Variants in UHMK1 observed in about 807,000 individuals in gnomAD.
The protein encoded by UHMK1 is U2AF homology motif kinase 1, also known as serine/threonine-protein kinase Kist.
UHMK1 carries 18 observed loss-of-function variants against 44.0 expected under a neutral mutation model. The ratio of observed to expected loss-of-function variants is 0.41; its 90% confidence interval spans 0.28 to 0.61. UHMK1 has a LOEUF of 0.61. Among genes scored for constraint, UHMK1 ranks in the 20% least tolerant of loss-of-function variants. The pLI, the probability that UHMK1 is intolerant of heterozygous loss-of-function variation, is 0.31. For missense variants in UHMK1, 463 were observed against 522.5 expected (o/e 0.89, Z 1.11); for synonymous variants, 231 against 198.5 (o/e 1.16, Z -1.38).
Position 162,522,671 on chromosome 1 carries a change from A to C in UHMK1, c.*121A>C. On this transcript the variant is annotated 3_prime_UTR_variant, in exon 8 of 8. Transcript: ENST00000489294. ...GTACTTTATACATTTATTTAATCCT[A>C]CTAATGTGCAGCCATTGCCCAAGCA... 2 of 1,152,836 alleles carry C rather than the reference A, an allele frequency of 1.7e-6. No individual in the cohort carries two copies. The highest frequency in any genetic ancestry group is 2.4e-6 in the Non-Finnish European group (2 of 828,386). 71.4% of individuals were successfully genotyped at this position (1,152,836 alleles called of 1,614,324 possible).
rs181510781 is a variant in UHMK1, at chr1:162,522,976, T to G, written c.*426T>G. 2 of 161,190 alleles carry G rather than the reference T, an allele frequency of 1.2e-5. No homozygotes were observed. The highest frequency in any genetic ancestry group is 3.4e-4 in the South Asian group (2 of 5,948). 10.0% of individuals were successfully genotyped at this position (161,190 alleles called of 1,614,324 possible). A position where few individuals can be genotyped will look rare whatever the true frequency, so the allele number is the denominator to read the frequency against. On this transcript the variant is annotated 3_prime_UTR_variant, in exon 8 of 8. Coordinates refer to ENST00000489294, the MANE Select transcript of UHMK1 (RefSeq NM_175866.5). ...CAGTGGTTCTTCCTTATTGTTGATA[T>G]CCATAAGCTGGCACTGGATGCTCTC...
Position 162,523,509 on chromosome 1 carries a change from T to C in UHMK1, c.*959T>C, listed in dbSNP as rs888162406. ...AATCAACCCCTCTTTTAGTTTACTT[T>C]AGACTTTGTATTAGCTCATCTTTTT... On this transcript the variant is annotated 3_prime_UTR_variant, in exon 8 of 8. Coordinates refer to ENST00000489294, the MANE Select transcript of UHMK1 (RefSeq NM_175866.5). 2 of 152,650 alleles carry C rather than the reference T, an allele frequency of 1.3e-5. No individual in the cohort carries two copies. Among genetic ancestry groups the C allele is most frequent in the Non-Finnish European group, 2.9e-5 (2 of 68,048 alleles). 9.5% of individuals were successfully genotyped at this position (152,650 alleles called of 1,614,324 possible).
In UHMK1 at chr1:162,529,056, A is replaced by T. The variant is rs1475710288; in HGVS notation, c.*6506A>T. 2 of 152,136 alleles carry T rather than the reference A, an allele frequency of 1.3e-5. No individual in the cohort carries two copies. Among genetic ancestry groups the T allele is most frequent in the Non-Finnish European group, 2.9e-5 (2 of 67,968 alleles). The allele number at this position is 152,136 out of a possible 1,614,324, so 9.4% of individuals were successfully genotyped here. A position where few individuals can be genotyped will look rare whatever the true frequency, so the allele number is the denominator to read the frequency against. On this transcript the variant is annotated 3_prime_UTR_variant, in exon 8 of 8. Transcript: ENST00000489294. Reference sequence around the variant, plus strand: ...TGGTTAGAAAAAAATGTGAAAGATCACTTAAACCAAAGCCAGTTACAAGGA... The same window carrying T: ...TGGTTAGAAAAAAATGTGAAAGATCTCTTAAACCAAAGCCAGTTACAAGGA...
At chr1:162,520,032 G>A (rs1651996806) in intron 7 of UHMK1, among the ~76,000 whole-genome samples, 1 of 152,128 alleles carries the variant, frequency 6.6e-6, no homozygotes, top group Admixed American at 6.6e-5. Flanking sequence ...CCGAGTAGCT[G>A]GAACTACAAG....
intron 6 of UHMK1, 143 bp from the exon 7 acceptor site, chr1:162,517,959 A>C: frequency 1.7e-6 from 1 of 577,366 alleles, no homozygotes; most frequent in Non-Finnish European, 3.1e-6. Context: ...ATTTTGAATC[A>C]TTTGAATGTC....
At chr1:162,497,192 A>G, upstream of UHMK1, 1 of 681,650 alleles carries the variant, frequency 1.5e-6, no homozygotes, top group East Asian at 2.7e-5. Context: ...GTGGAGACCA[A>G]AGTTTTGTCA....
upstream of UHMK1, chr1:162,497,755 G>T: frequency 8.5e-7 from 1 of 1,176,080 alleles, no homozygotes; most frequent in Non-Finnish European, 1.1e-6. Context: ...TCTAGGCCCC[G>T]CCCCTTCTGA....
chr1:162,520,352 T>C (rs1335900699), intron 7 of UHMK1, among the ~76,000 whole-genome samples: 1 of 152,226 alleles, frequency 6.6e-6, no homozygotes, highest in Non-Finnish European at 1.5e-5. Flanking sequence ...TGAATACTAA[T>C]ATGTATAATT....
At chr1:162,503,914 T>G in intron 4 of UHMK1, 66 bp downstream of exon 4, 2 of 1,179,372 alleles carry the variant, frequency 1.7e-6, no homozygotes, top group Non-Finnish European at 2.5e-6. Flanking sequence ...CGTCTTTTTT[T>G]TCTCTGAACA....
intron 6 of UHMK1, among the ~76,000 whole-genome samples, chr1:162,516,730 G>T (rs930674527): frequency 6.6e-6 from 1 of 152,066 alleles, no homozygotes; most frequent in Non-Finnish European, 1.5e-5. Context: ...TATGGAAAAG[G>T]AAGTAGACAA....
intron 4 of UHMK1, among the ~76,000 whole-genome samples, chr1:162,505,664 C>T (rs773819392): frequency 1.3e-5 from 2 of 152,102 alleles, no homozygotes; most frequent in Admixed American, 6.6e-5. Context: ...TTGACCAAAA[C>T]GTCATTGTGC....
In UHMK1 at chr1:162,526,526, A is replaced by G. The variant is rs577378065; in HGVS notation, c.*3976A>G. ...GCAAGTGCCTTGTGTTTGCTGGAAA[A>G]TATTAAAACTCATTTGGGTGAAAGC... On this transcript the variant is annotated 3_prime_UTR_variant, in exon 8 of 8. Coordinates refer to ENST00000489294, the MANE Select transcript of UHMK1 (RefSeq NM_175866.5). The G allele has an allele frequency of 3.9e-5, 6 of 152,222 alleles. No individual in the cohort carries two copies. The highest frequency in any genetic ancestry group is 1.4e-4 in the African/African-American group (6 of 41,556). 9.4% of individuals were successfully genotyped at this position (152,222 alleles called of 1,614,324 possible).
upstream of UHMK1, chr1:162,497,778 T>G: frequency 3.1e-6 from 4 of 1,291,956 alleles, no homozygotes; most frequent in Middle Eastern, 2.9e-4. Context: ...CCCCCCTCCT[T>G]CGGCCTGTAT....
chr1:162,503,876 T>A (rs763454711), intron 4 of UHMK1, 28 bp downstream of exon 4: 6 of 1,576,148 alleles, frequency 3.8e-6, no homozygotes, highest in Admixed American at 1.7e-5. Context: ...TAAACTTGCT[T>A]TGCATTCATG....
In UHMK1 at chr1:162,500,983, C is replaced by A. The variant is rs1466904187; in HGVS notation, c.632C>A (p.Ala211Asp). The A allele has an allele frequency of 4.3e-6, 7 of 1,613,996 alleles. No homozygotes were observed. The highest frequency in any genetic ancestry group is 5.9e-6 in the Non-Finnish European group (7 of 1,180,014). ...EAELQNCLAQ[A>D]GLQSDTECTS... ...GAATTGCAAAATTGCTTGGCCCAGG[C>A]TGGCCTGCAGAGTGATACAGAATGT... The change falls in exon 3 of 8, where the codon GCT becomes GAT. Residue 211 changes from alanine (A) to aspartate (D), a missense_variant. Transcript: ENST00000489294.
chr1:162,500,216 A>G lies in UHMK1; in HGVS notation c.530A>G (p.Asp177Gly). 2.5e-6 allele frequency: 4 copies of G among 1,611,856 alleles called. No homozygotes were observed. Among genetic ancestry groups the G allele is most frequent in the Non-Finnish European group, 3.4e-6 (4 of 1,178,038 alleles). The change falls in exon 2 of 8, where the codon GAC becomes GGC. Residue 177 changes from aspartate to glycine, a missense_variant. Physicochemically the swap from Asp to Gly is moderately conservative, Grantham distance 94 (BLOSUM62 -1). Transcript: ENST00000489294. Reference protein sequence around the residue: ...SAENECFKLIDFGLSFKEGNQ... With the variant: ...SAENECFKLIGFGLSFKEGNQ... ...GAGAATGAATGTTTTAAACTCATTG[A>G]CTTTGGACTTAGCTTCAAAGAAGGC...
rs542808301 is a variant in UHMK1 at position 162,523,787 on chromosome 1, G to A, written c.*1237G>A. On this transcript the variant is annotated 3_prime_UTR_variant, in exon 8 of 8. Coordinates refer to ENST00000489294, the MANE Select transcript of UHMK1 (RefSeq NM_175866.5). ...ACAAACTAGAGGAGCAGCATCCCAGGTAGTTTGGCTTTTGACTGCAAGGTA... is the reference window on the plus strand; with the variant it reads ...ACAAACTAGAGGAGCAGCATCCCAGATAGTTTGGCTTTTGACTGCAAGGTA... The A allele has an allele frequency of 8.5e-5, 13 of 152,204 alleles. No individual in the cohort carries two copies. Among genetic ancestry groups the A allele is most frequent in the Admixed American group, 7.8e-4 (12 of 15,290 alleles). The allele number at this position is 152,204 out of a possible 1,614,324, so 9.4% of individuals were successfully genotyped here.
At chr1:162,499,689 G>A (rs1651197615) in intron 1 of UHMK1, among the ~76,000 whole-genome samples, 1 of 152,212 alleles carries the variant, frequency 6.6e-6, no homozygotes, top group Non-Finnish European at 1.5e-5. Flanking sequence ...TCACCAATGA[G>A]TACTTGGTGA....
At chr1:162,516,605 G>A (rs2101682482) in intron 6 of UHMK1, among the ~76,000 whole-genome samples, 1 of 151,886 alleles carries the variant, frequency 6.6e-6, no homozygotes, top group South Asian at 2.1e-4. Flanking sequence ...AATAAGCATT[G>A]AACAAAATCA....
Sources: allele counts gnomAD v4.1 joint callset (sites outside exome capture counted in the v4.1 genomes callset), GRCh38; gene constraint gnomAD v4.1.1; transcripts MANE v1.5; gene names NCBI Gene and HGNC (gene_info 2026-07-23, HGNC 2026-07-21).